The following PSG2 variants were observed in gnomAD, a reference collection of about 807,000 sequenced individuals.
The protein encoded by PSG2 is pregnancy specific beta-1-glycoprotein 2.
Under a neutral mutation model 36.2 loss-of-function variants are expected in PSG2, and 49 were observed. The observed-to-expected ratio is 1.35, with a 90% confidence interval of 1.08 to 1.72. The LOEUF is 1.72. PSG2 is among the 40% of genes most tolerant of loss of function. The pLI, the probability that PSG2 is intolerant of heterozygous loss-of-function variation, is 0.00. For missense variants in PSG2, 605 were observed against 407.2 expected (o/e 1.49, Z -4.18); for synonymous variants, 261 against 155.6 (o/e 1.68, Z -5.04).
intron 3 of PSG2, chr19:43,072,739 G>A (rs1429047132): frequency 1.3e-6 from 2 of 1,532,794 alleles, no homozygotes; most frequent in Non-Finnish European, 1.8e-6. Flanking sequence ...CTGAGTCCTT[G>A]AAAGCCAATA....
intron 4 of PSG2, among the ~76,000 whole-genome samples, chr19:43,070,632 A>T (rs1967802258): frequency 6.6e-6 from 1 of 151,686 alleles, no homozygotes; most frequent in African/African-American, 2.4e-5. Flanking sequence ...TTTATAAAAG[A>T]TAGTTAGAAT....
chr19:43,072,548 G>A, intron 3 of PSG2: 1 of 1,611,292 alleles, frequency 6.2e-7, no homozygotes. Context: ...CTCACTCTTA[G>A]GTTCACAGGT....
chr19:43,070,609 T>C (rs1967802027), intron 4 of PSG2, among the ~76,000 whole-genome samples: 2 of 151,724 alleles, frequency 1.3e-5, no homozygotes, highest in South Asian at 4.2e-4. Context: ...AGGATAATTA[T>C]TATATAATTC....
At chr19:43,076,115 A>T (rs770467385) in intron 2 of PSG2, among the ~76,000 whole-genome samples, 1 of 151,734 alleles carries the variant, frequency 6.6e-6, no homozygotes. Context: ...TGGGTACTGG[A>T]AAGCCTGGCC....
At chr19:43,071,051 G>A (rs1967808134) in intron 4 of PSG2, among the ~76,000 whole-genome samples, 1 of 151,588 alleles carries the variant, frequency 6.6e-6, no homozygotes, top group African/African-American at 2.4e-5. Context: ...TCTGCCCTGA[G>A]GCTCCTTCTC....
intron 2 of PSG2, among the ~76,000 whole-genome samples, chr19:43,077,724 C>A (rs1250859427): frequency 2.0e-5 from 3 of 151,782 alleles, no homozygotes; most frequent in African/African-American, 7.3e-5. Context: ...ATTTGTCCCA[C>A]AACTACATAA....
In PSG2 at chr19:43,077,807, A is replaced by T. The variant is rs1262506902; in HGVS notation, c.431-2175T>A. On this transcript the variant is annotated intron_variant, in intron 2 of 5. Coordinates refer to ENST00000406487, the MANE Select transcript of PSG2 (RefSeq NM_031246.4). The stretch of plus-strand genomic sequence containing the variant: ...TCAGTTGTTCCACTTTTTCTTCCCC[A>T]CTCTTCTTGAACTTTCCTGTTTCAG... Among the ~76,000 whole-genome samples the T allele has an allele frequency of 2.0e-5, 3 of 151,354 alleles. 1 individual carries two copies. Among genetic ancestry groups the T allele is most frequent in the Non-Finnish European group, 4.4e-5 (3 of 67,896 alleles).
chr19:43,079,971 T>A (rs1355885508), intron 2 of PSG2, among the ~76,000 whole-genome samples: 4 of 151,752 alleles, frequency 2.6e-5, no homozygotes, highest in African/African-American at 2.4e-5. Context: ...TTTCTCTCAA[T>A]CAAATAAGCT....
rs149190281 is a variant in PSG2 at position 43,080,880 on chromosome 19, C to G, written c.430+1G>C. On this transcript the variant is annotated splice_donor_variant, in intron 2 of 5. Transcript: ENST00000406487. LOFTEE classifies it high-confidence loss of function. ...CCCAGGGATCATGTGGAATCACTTACGGTATAAGGTGAAGGTGAAATATCC... is the reference window on the plus strand; with the variant it reads ...CCCAGGGATCATGTGGAATCACTTAGGGTATAAGGTGAAGGTGAAATATCC... 6.2e-7 allele frequency: 1 copy of G among 1,611,772 alleles called. No individual in the cohort carries two copies. The highest frequency in any genetic ancestry group is 1.7e-5 in the Admixed American group (1 of 59,916).
At chr19:43,080,536 A>T (rs1024544379) in intron 2 of PSG2, among the ~76,000 whole-genome samples, 1 of 151,566 alleles carries the variant, frequency 6.6e-6, no homozygotes, top group African/African-American at 2.4e-5. Context: ...ATCTCAGGGG[A>T]CCCCTCAGGC....
chr19:43,070,131 A>G (rs1238331518), intron 4 of PSG2, among the ~76,000 whole-genome samples: 1 of 151,576 alleles, frequency 6.6e-6, no homozygotes, highest in Non-Finnish European at 1.5e-5. Context: ...CAAAACCACA[A>G]TGTTACACCA....
chr19:43,070,095 T>A (rs1038037902), intron 4 of PSG2, among the ~76,000 whole-genome samples: 2 of 151,634 alleles, frequency 1.3e-5, no homozygotes, highest in African/African-American at 4.9e-5. Flanking sequence ...TTCCTCAGCA[T>A]CATGAATACT....
intron 4 of PSG2, among the ~76,000 whole-genome samples, chr19:43,071,155 T>C (rs556742430): frequency 6.6e-6 from 1 of 151,536 alleles, no homozygotes; most frequent in Non-Finnish European, 1.5e-5. Context: ...GGGGTCTTTC[T>C]CCACACATGC....
intron 2 of PSG2, among the ~76,000 whole-genome samples, chr19:43,076,594 T>G (rs1260114335): frequency 1.3e-5 from 2 of 151,606 alleles, no homozygotes; most frequent in East Asian, 3.9e-4. Flanking sequence ...GTTTCTGAGT[T>G]TAACTACCCT....
intron 2 of PSG2, among the ~76,000 whole-genome samples, chr19:43,077,857 C>G (rs1967919436): frequency 6.6e-6 from 1 of 151,794 alleles, no homozygotes; most frequent in African/African-American, 2.4e-5. Context: ...ATTGACACGT[C>G]CTCAAGCTAG....
At position 43,068,328 on chromosome 19, in the gene PSG2, T is replaced by G. The variant is rs563607902; in HGVS notation, c.965-1728A>C. On this transcript the variant is annotated intron_variant, in intron 4 of 5. Transcript: ENST00000406487. Reference sequence around the variant, plus strand: ...TTGACATGCACCTGTAGTCCTAGCATCTTGAGAGGCTGAAGAAGGAGAATT... The same window carrying G: ...TTGACATGCACCTGTAGTCCTAGCAGCTTGAGAGGCTGAAGAAGGAGAATT... Among the ~76,000 whole-genome samples the G allele has an allele frequency of 4.1e-4, 62 of 151,222 alleles. 1 individual carries two copies. The highest frequency in any genetic ancestry group is 1.5e-3 in the African/African-American group (62 of 40,914).
intron 3 of PSG2, among the ~76,000 whole-genome samples, chr19:43,072,176 A>G (rs1042100160): frequency 2.0e-5 from 3 of 151,562 alleles, no homozygotes; most frequent in African/African-American, 7.3e-5. Flanking sequence ...CACTCCCCTT[A>G]TATTCTTGGT....
intron 4 of PSG2, among the ~76,000 whole-genome samples, chr19:43,070,584 T>G (rs1967801795): frequency 1.3e-5 from 2 of 151,682 alleles, no homozygotes; most frequent in African/African-American, 4.9e-5. Flanking sequence ...CTAACTGAAA[T>G]AAGCCAGACA....
intron 2 of PSG2, among the ~76,000 whole-genome samples, chr19:43,080,225 CT>C (rs1367034543): frequency 6.6e-6 from 1 of 151,774 alleles, no homozygotes; most frequent in African/African-American, 2.4e-5. Flanking sequence ...CCTAAGCCTC[CT>C]AAGGCAGTTG....
Sources: gnomAD v4.1 joint callset for allele counts (sites outside exome capture counted in the v4.1 genomes callset) on GRCh38, gnomAD v4.1.1 for gene constraint, MANE v1.5 for transcripts, NCBI Gene and HGNC (gene_info 2026-07-23, HGNC 2026-07-21) for gene names.